The following RNF144A variants were observed in gnomAD, a reference collection of about 807,000 sequenced individuals.
The protein encoded by RNF144A is ring finger protein 144A.
A neutral mutation model predicts 38.7 loss-of-function variants in RNF144A; 11 were observed. The observed-to-expected ratio is 0.28, with a 90% CI of 0.18 to 0.47. The LOEUF (loss-of-function observed/expected upper bound fraction) is 0.47. RNF144A is among the 20% of genes least tolerant of loss of function. RNF144A has a pLI of 0.99. For missense variants in RNF144A, 316 were observed against 377.2 expected (o/e 0.84, Z 1.34); for synonymous variants, 149 against 143.9 (o/e 1.04, Z -0.25).
At chr2:7,053,311 A>G (rs1313558738) in intron 6 of RNF144A, among the ~76,000 whole-genome samples, 7 of 152,252 alleles carry the variant, frequency 4.6e-5, no homozygotes, top group Admixed American at 3.3e-4. Context: ...GATGCACATT[A>G]TATTAGTTGT....
chr2:7,063,170 T>G (rs1385081465), intron 6 of RNF144A, among the ~76,000 whole-genome samples: 1 of 152,182 alleles, frequency 6.6e-6, no homozygotes. Flanking sequence ...CCTTGGCAGT[T>G]TGTTTGAAGA....
intron 5 of RNF144A, among the ~76,000 whole-genome samples, chr2:7,017,100 G>A (rs940231060): frequency 2.0e-5 from 3 of 152,182 alleles, no homozygotes; most frequent in South Asian, 2.1e-4. Context: ...CTCTTGCTGC[G>A]TGGACCCCTC....
At chr2:7,070,125 A>T (rs554185756), downstream of RNF144A, among the ~76,000 whole-genome samples, 1 of 151,758 alleles carries the variant, frequency 6.6e-6, no homozygotes, top group Non-Finnish European at 1.5e-5. Context: ...CAAAGGCCAC[A>T]TTCAGCAGAA....
downstream of RNF144A, among the ~76,000 whole-genome samples, chr2:7,068,877 C>CCA (rs1272193569): frequency 3.3e-5 from 5 of 152,154 alleles, no homozygotes; most frequent in African/African-American, 9.7e-5. Context: ...GCTGAAGTCA[C>CCA]CACACACACA....
chr2:7,057,496 T>C (rs983962882), intron 6 of RNF144A, among the ~76,000 whole-genome samples: 1 of 152,234 alleles, frequency 6.6e-6, no homozygotes, highest in Admixed American at 6.5e-5. Context: ...ATTCATTTGC[T>C]AGCTAGATGC....
intron 3 of RNF144A, among the ~76,000 whole-genome samples, chr2:7,012,284 T>A (rs1163090416): frequency 6.6e-6 from 1 of 152,224 alleles, no homozygotes; most frequent in Admixed American, 6.5e-5. Flanking sequence ...ACTTAGCTGG[T>A]GCTGTCTACC....
At chr2:7,060,203 C>T (rs1437626449) in intron 6 of RNF144A, among the ~76,000 whole-genome samples, 2 of 152,014 alleles carry the variant, frequency 1.3e-5, no homozygotes, top group Admixed American at 6.6e-5. Context: ...TCTTTCTGCC[C>T]CTTCTCTTGG....
At position 7,041,016 on chromosome 2, in the gene RNF144A, G is replaced by A. The variant is rs1054327130; in HGVS notation, c.*1256G>A. 2.0e-6 allele frequency: 2 copies of A among 985,408 alleles called. No individual in the cohort carries two copies. The highest frequency in any genetic ancestry group is 1.2e-6 in the Non-Finnish European group (1 of 829,914). 61.0% of individuals were successfully genotyped at this position (985,408 alleles called of 1,614,324 possible). On this transcript the variant is annotated 3_prime_UTR_variant, in exon 9 of 9. Transcript: ENST00000320892. ...ACACATACACATTATTCCACCAATT[G>A]ACTTTGAAAAGTGGAGAAAGTGTAT...
At chr2:7,052,059 A>T (rs920243097) in intron 6 of RNF144A, among the ~76,000 whole-genome samples, 2 of 152,196 alleles carry the variant, frequency 1.3e-5, no homozygotes, top group Non-Finnish European at 2.9e-5. Flanking sequence ...AAATACCTCC[A>T]AAATGCCCTA....
intron 5 of RNF144A, among the ~76,000 whole-genome samples, chr2:7,019,939 C>G (rs1303730265): frequency 6.6e-6 from 1 of 152,180 alleles, no homozygotes; most frequent in African/African-American, 2.4e-5. Flanking sequence ...GCAGGTGAAC[C>G]ATTTGGTTAG....
intron 6 of RNF144A, among the ~76,000 whole-genome samples, chr2:7,059,460 C>T (rs529921240): frequency 5.9e-5 from 9 of 152,322 alleles, no homozygotes; most frequent in Non-Finnish European, 1.2e-4. Context: ...CCCCTCCCAC[C>T]CACTTCCTGA....
intron 8 of RNF144A, among the ~76,000 whole-genome samples, chr2:7,035,299 G>A (rs564427223): frequency 6.6e-6 from 1 of 152,316 alleles, no homozygotes; most frequent in East Asian, 1.9e-4. Context: ...AGCGTCTTTG[G>A]AATCTTACTT....
At chr2:6,968,694 T>G (rs1235330446) in intron 2 of RNF144A, among the ~76,000 whole-genome samples, 4 of 34,694 alleles carry the variant, frequency 1.2e-4, no homozygotes, top group Non-Finnish European at 3.3e-4. Context: ...TGTCAATGTG[T>G]TTTTTTTTTT....
chr2:7,003,179 G>C (rs1670222921), intron 3 of RNF144A, among the ~76,000 whole-genome samples: 1 of 152,100 alleles, frequency 6.6e-6, no homozygotes, highest in Non-Finnish European at 1.5e-5. Flanking sequence ...TTGAGAAAAT[G>C]AAAAAGTTTA....
chr2:6,999,743 AG>A (rs1186302632), intron 3 of RNF144A, among the ~76,000 whole-genome samples: 10 of 152,166 alleles, frequency 6.6e-5, no homozygotes, highest in African/African-American at 2.4e-4. Flanking sequence ...CATCAGGCCT[AG>A]TTCTTTCTCA....
In RNF144A at chr2:6,941,759, C is replaced by T. The variant is rs1351837476; in HGVS notation, c.-12+612C>T. ...GTCTCTAAAGGTGAAATTGAACATG[C>T]ACTTTAAGGAGGCGCAGTAACTAGC... On this transcript the variant is annotated intron_variant, in intron 2 of 8. Coordinates refer to ENST00000320892, the MANE Select transcript of RNF144A (RefSeq NM_014746.6). This position sits in a 1 kb window ranked among gnomAD's most constrained non-coding sequence, Gnocchi z 6.5. 6.6e-6 allele frequency among the ~76,000 whole-genome samples: 1 copy of T among 152,254 alleles called. No homozygotes were observed. The highest frequency in any genetic ancestry group is 2.4e-5 in the African/African-American group (1 of 41,466).
At chr2:6,990,188 T>G (rs2103378248) in intron 2 of RNF144A, among the ~76,000 whole-genome samples, 1 of 152,216 alleles carries the variant, frequency 6.6e-6, no homozygotes, top group Non-Finnish European at 1.5e-5. Context: ...GGTGCCAGCG[T>G]GCTTGAGTTC....
At chr2:6,933,123 T>A (rs1665312009) in intron 1 of RNF144A, 1 of 152,232 alleles carries the variant, frequency 6.6e-6, no homozygotes, top group African/African-American at 2.4e-5. Flanking sequence ...ACTTGCAAGT[T>A]CAGCAACAGC....
intron 5 of RNF144A, 74 bp downstream of exon 5, chr2:7,014,846 T>C (rs1671039131): frequency 1.9e-6 from 2 of 1,074,402 alleles, no homozygotes; most frequent in Non-Finnish European, 2.9e-6. Context: ...GGGAGTTCTT[T>C]TGGTAGATAT....
Sources: gnomAD v4.1 joint callset for allele counts (sites outside exome capture counted in the v4.1 genomes callset) on GRCh38, gnomAD v4.1.1 for gene constraint, Gnocchi (gnomAD v3.1) non-coding constraint, MANE v1.5 for transcripts, NCBI Gene and HGNC (gene_info 2026-07-23, HGNC 2026-07-21) for gene names.